ADAM12: variants seen among roughly 807,000 people sequenced by gnomAD.
The protein encoded by ADAM12 is ADAM metallopeptidase domain 12, also known as disintegrin and metalloproteinase domain-containing protein 12.
In ADAM12, 70 loss-of-function variants were observed where a neutral mutation model predicts 106.4. The ratio of observed to expected loss-of-function variants is 0.66; its 90% confidence interval spans 0.54 to 0.80. The LOEUF is 0.80. Ranked by LOEUF, ADAM12 falls within the 30% of genes least tolerant of loss-of-function variation. The probability of loss-of-function intolerance (pLI) is 0.00; values close to 1 mark genes in which losing one functional copy is unlikely to be tolerated. For missense variants in ADAM12, 1,010 were observed against 1,171.9 expected (o/e 0.86, Z 2.02); for synonymous variants, 420 against 433.5 (o/e 0.97, Z 0.39).
rs192432331 is a variant in ADAM12 at position 126,042,863 on chromosome 10, C to T, written c.2104+177G>A. Among the ~76,000 whole-genome samples, 1,111 of 152,304 alleles carry T rather than the reference C, an allele frequency of 7.3e-3. 10 individuals are homozygous for T. Among genetic ancestry groups the T allele is most frequent in the African/African-American group, 0.025 (1,057 of 41,552 alleles). On this transcript the variant is annotated intron_variant, in intron 18 of 22. Coordinates refer to ENST00000448723, the MANE Select transcript of ADAM12 (RefSeq NM_001288973.2). ...GAGAGCAAGGAGCCTCAGAGAAGAT[C>T]GGGCAGGGATGAGAGGGGCATCTGG...
intron 1 of ADAM12, among the ~76,000 whole-genome samples, chr10:126,375,251 TAA>T (rs796088323): frequency 1.5e-4 from 20 of 136,932 alleles, no homozygotes; most frequent in Non-Finnish European, 9.6e-5. Context: ...AAGCCATGGT[TAA>T]AAAAAAAAAA....
rs754180036 is a variant in ADAM12 at position 126,101,131 on chromosome 10, C to T, written c.852G>A (p.Leu284=). The part of the protein sequence containing the change: ...QDPFTSLHEF[L]DWRKMKLLPR... ...GTAGAAGCTTCATCTTCCTCCAGTC[C>T]AGAAATTCATGGAGGCTGGTGAATG... Residue 284 remains leucine, a synonymous_variant, in exon 9 of 23, where the codon CTG becomes CTA. Transcript: ENST00000448723. 16 of 1,613,850 alleles carry T rather than the reference C, an allele frequency of 9.9e-6. No homozygotes were observed. Among genetic ancestry groups the T allele is most frequent in the Middle Eastern group, 1.6e-4 (1 of 6,084 alleles).
Position 126,019,788 on chromosome 10 carries a change from G to T in ADAM12, c.2567C>A (p.Pro856His), listed in dbSNP as rs199632862. 6.2e-7 allele frequency: 1 copy of T among 1,614,034 alleles called. No individual in the cohort carries two copies. Among genetic ancestry groups the T allele is most frequent in the East Asian group, 2.2e-5 (1 of 44,872 alleles). The change falls in exon 22 of 23, where the codon CCT (proline) becomes CAT (histidine). Residue 856 changes from proline to histidine, a missense_variant. Around this residue, in one of 3 missense-constraint regions of ADAM12, gnomAD observed 615 missense variants for 708.5 expected, o/e 0.87. Transcript: ENST00000448723. ...CKPNPPQKPL[P>H]ADPLARTTRL... is the part of the protein sequence containing the mutation. ...AGTTGTTCTGGCCAGAGGATCTGCA[G>T]GCAGAGGCTTCTGAGGGGGGTTTGG... is the stretch of plus-strand genomic sequence containing the variant.
At position 126,017,891 on chromosome 10, in the gene ADAM12, A is replaced by G. The variant is rs146861525; in HGVS notation, c.2661-552T>C. ...CAACTGACCAGAGGTAAGATTGGCC[A>G]CAGCTTGAGGGCATTTAAGAAAAAG... On this transcript the variant is annotated intron_variant, in intron 22 of 22. Coordinates refer to ENST00000448723, the MANE Select transcript of ADAM12 (RefSeq NM_001288973.2). 7.7e-3 allele frequency among the ~76,000 whole-genome samples: 1,177 copies of G among 152,350 alleles called. 13 individuals are homozygous for G. The highest frequency in any genetic ancestry group is 0.027 in the African/African-American group (1,108 of 41,588).
At chr10:126,027,667 C>T in intron 21 of ADAM12, among the ~76,000 whole-genome samples, 1 of 152,018 alleles carries the variant, frequency 6.6e-6, no homozygotes, top group East Asian at 1.9e-4. Context: ...AAATTCACCC[C>T]ATAATATAAA....
chr10:126,260,132 C>T (rs1958971549), intron 3 of ADAM12, among the ~76,000 whole-genome samples: 1 of 152,238 alleles, frequency 6.6e-6, no homozygotes, highest in South Asian at 2.1e-4. Flanking sequence ...CATTACCATA[C>T]ACATTACCTA....
intron 4 of ADAM12, among the ~76,000 whole-genome samples, chr10:126,152,049 T>C (rs1956737697): frequency 6.6e-6 from 1 of 151,502 alleles, no homozygotes; most frequent in Admixed American, 6.6e-5. Context: ...CATTAATTTC[T>C]GCTCATTTAA....
At chr10:126,216,055 G>T (rs2133844470) in intron 3 of ADAM12, among the ~76,000 whole-genome samples, 1 of 152,206 alleles carries the variant, frequency 6.6e-6, no homozygotes, top group Middle Eastern at 3.4e-3. Context: ...CCCCTTTCGA[G>T]GGTTTGCTTT....
chr10:126,371,751 T>A (rs1167337095), intron 1 of ADAM12, among the ~76,000 whole-genome samples: 2 of 152,212 alleles, frequency 1.3e-5, no homozygotes, highest in East Asian at 3.8e-4. Flanking sequence ...GCCAACCCAA[T>A]ACCCTGAGAG....
intron 18 of ADAM12, chr10:126,041,299 G>A: frequency 1.0e-6 from 1 of 983,596 alleles, no homozygotes; most frequent in Non-Finnish European, 1.2e-6. Flanking sequence ...CTTGCTCATG[G>A]CCTGCCTTGA....
intron 8 of ADAM12, among the ~76,000 whole-genome samples, chr10:126,101,457 T>G (rs564186067): frequency 1.3e-5 from 2 of 152,356 alleles, no homozygotes; most frequent in South Asian, 4.1e-4. Context: ...GATTGACCAA[T>G]TAGATGCTGA....
Position 126,073,242 on chromosome 10 carries a change from C to T in ADAM12, c.1146-1588G>A, listed in dbSNP as rs375086053. ...TAGCTGGGATTACAGGCGCCCACCA[C>T]CATGCCTGGCTAATTTTGTATTTTT... is the stretch of plus-strand genomic sequence containing the variant. On this transcript the variant is annotated intron_variant, in intron 11 of 22. Transcript: ENST00000448723. Among the ~76,000 whole-genome samples, 6 of 152,170 alleles carry T rather than the reference C, an allele frequency of 3.9e-5. No homozygotes were observed. The East Asian group carries it at 9.6e-4, about 24-fold the overall frequency.
At position 126,221,989 on chromosome 10, in the gene ADAM12, C is replaced by T. The variant is rs532341580; in HGVS notation, c.260+56926G>A. ...AGAAGTCATCTTGTTCTAGACCACC[C>T]ACTGGCTGTCCATCAGAAGTCCCCC... On this transcript the variant is annotated intron_variant, in intron 3 of 22. Transcript: ENST00000448723. Among the ~76,000 whole-genome samples, 14 of 152,316 alleles carry T rather than the reference C, an allele frequency of 9.2e-5. 1 individual carries two copies. The highest frequency in any genetic ancestry group is 3.4e-4 in the African/African-American group (14 of 41,572).
chr10:126,099,431 T>C (rs1955618480), intron 9 of ADAM12, among the ~76,000 whole-genome samples: 1 of 147,456 alleles, frequency 6.8e-6, no homozygotes, highest in South Asian at 2.4e-4. Flanking sequence ...ACTATACTTA[T>C]ATTTACAGTG....
At chr10:126,263,428 T>G (rs1959038409) in intron 3 of ADAM12, among the ~76,000 whole-genome samples, 1 of 152,174 alleles carries the variant, frequency 6.6e-6, no homozygotes, top group South Asian at 2.1e-4. Flanking sequence ...TCCTTTCCCT[T>G]GGCTCAGTGC....
chr10:126,024,609 G>A (rs1472707996), intron 21 of ADAM12, among the ~76,000 whole-genome samples: 1 of 152,098 alleles, frequency 6.6e-6, no homozygotes, highest in East Asian at 1.9e-4. Flanking sequence ...CACATTTGTA[G>A]AGGGGACATT....
intron 3 of ADAM12, among the ~76,000 whole-genome samples, chr10:126,210,503 G>A (rs1209167528): frequency 2.0e-5 from 3 of 152,232 alleles, no homozygotes; most frequent in Non-Finnish European, 4.4e-5. Flanking sequence ...GGTGGAACAA[G>A]TGGGGTAGGG....
intron 13 of ADAM12, 152 bp from the exon 14 acceptor site, chr10:126,065,153 A>G: frequency 1.3e-6 from 1 of 797,856 alleles, no homozygotes; most frequent in Non-Finnish European, 1.9e-6. Flanking sequence ...GAGATACCTC[A>G]TTAAATCATC....
At chr10:126,146,751 C>T (rs1252136442) in intron 4 of ADAM12, among the ~76,000 whole-genome samples, 1 of 152,166 alleles carries the variant, frequency 6.6e-6, no homozygotes, top group Non-Finnish European at 1.5e-5. Flanking sequence ...CCTATGATCT[C>T]TAGTAAATCT....
Sources: gnomAD v4.1 joint callset for allele counts (sites outside exome capture counted in the v4.1 genomes callset) on GRCh38, gnomAD v4.1.1 for gene constraint, gnomAD v4.1.1 regional missense constraint, MANE v1.5 for transcripts, NCBI Gene and HGNC (gene_info 2026-07-23, HGNC 2026-07-21) for gene names.